Variants in PDIA4 observed in about 807,000 individuals in gnomAD.
The protein encoded by PDIA4 is protein disulfide-isomerase A4.
In PDIA4, 33 loss-of-function variants were observed where a neutral mutation model predicts 62.1. The ratio of observed to expected loss-of-function variants is 0.53; its 90% CI spans 0.40 to 0.71. The LOEUF (loss-of-function observed/expected upper bound fraction) is 0.71, where lower values mean the gene tolerates loss of function less well. Among genes scored for constraint, PDIA4 ranks in the 30% least tolerant of loss-of-function variants. The probability of loss-of-function intolerance (pLI) is 0.00; values close to 1 mark genes in which losing one functional copy is unlikely to be tolerated. For missense variants in PDIA4, 804 were observed against 813.6 expected (o/e 0.99, Z 0.14); for synonymous variants, 341 against 324.1 (o/e 1.05, Z -0.56).
intron 1 of PDIA4, chr7:149,027,984 G>A (rs1468138699): frequency 1.9e-6 from 1 of 532,950 alleles, no homozygotes; most frequent in Non-Finnish European, 3.7e-6. Context: ...GCCTGGACCT[G>A]ACGAAAATCT....
chr7:149,028,186 CG>C (rs1824627344), intron 1 of PDIA4, 134 bp downstream of exon 1: 2 of 640,078 alleles, frequency 3.1e-6, no homozygotes, highest in Admixed American at 3.0e-5. Flanking sequence ...AAGTTTACCC[CG>C]GGCTCGGCGC....
intron 2 of PDIA4, among the ~76,000 whole-genome samples, chr7:149,020,089 T>C (rs372516187): frequency 6.6e-6 from 1 of 152,172 alleles, no homozygotes; most frequent in Non-Finnish European, 1.5e-5. Context: ...GCCTCCCGAA[T>C]AGCCGGGACT....
In PDIA4 at chr7:149,003,729, G is replaced by T; in HGVS notation, c.*65C>A. ...TGTCGTTTGTTGCCGGCCTCGGCGT[G>T]GACGCCCCGACCATGGGCCACGCAG... On this transcript the variant is annotated 3_prime_UTR_variant, in exon 10 of 10. Transcript: ENST00000652332. 2 of 1,277,572 alleles carry T rather than the reference G, an allele frequency of 1.6e-6. No homozygotes were observed. The highest frequency in any genetic ancestry group is 2.1e-6 in the Non-Finnish European group (2 of 956,010). The allele number at this position is 1,277,572 out of a possible 1,614,324, so 79.1% of individuals were successfully genotyped here.
Position 149,008,152 on chromosome 7 carries a change from C to G in PDIA4, c.1131+7G>C. 1.2e-6 allele frequency: 2 copies of G among 1,612,544 alleles called. No homozygotes were observed. Among genetic ancestry groups the G allele is most frequent in the Non-Finnish European group, 8.5e-7 (1 of 1,179,278 alleles). On this transcript the variant is annotated splice_region_variant and intron_variant, in intron 7 of 9. Transcript: ENST00000652332. ...CCAGGGCTGGCATGGCAGAGGGGCC[C>G]GCTTACCTGGACGTCCATCATGTGG...
intron 1 of PDIA4, among the ~76,000 whole-genome samples, chr7:149,025,071 A>AAT (rs1824500575): frequency 5.9e-5 from 1 of 16,990 alleles, no homozygotes; most frequent in African/African-American, 8.7e-5. Flanking sequence ...ACTCCATCTC[A>AAT]AAAAAAAAAA....
intron 9 of PDIA4, 28 bp downstream of exon 9, chr7:149,005,113 G>C (rs771939669): frequency 6.4e-7 from 1 of 1,559,176 alleles, no homozygotes; most frequent in African/African-American, 1.4e-5. Context: ...CAGCTGATGG[G>C]AGACCCCAGC....
intron 3 of PDIA4, 131 bp from the exon 4 acceptor site, chr7:149,015,173 C>T (rs1295421272): frequency 1.1e-6 from 1 of 869,746 alleles, no homozygotes; most frequent in African/African-American, 1.7e-5. Flanking sequence ...TGTCTGATTT[C>T]CTGAAACCTG....
Position 149,012,332 on chromosome 7 carries a change from C to T in PDIA4, c.643G>A (p.Glu215Lys), listed in dbSNP as rs533578464. 2.1e-5 allele frequency: 34 copies of T among 1,613,580 alleles called. No homozygotes were observed. The highest frequency in any genetic ancestry group is 2.7e-5 in the Non-Finnish European group (32 of 1,180,004). Residue 215 changes from glutamate (E) to lysine (K), a missense_variant, in exon 5 of 10, where the codon GAG becomes AAG. Coordinates refer to ENST00000652332, the MANE Select transcript of PDIA4 (RefSeq NM_004911.5). ...WCGHCKKLAP[E>K]YEKAAKELSK... is the part of the protein sequence containing the mutation. ...AGCTCCTTGGCGGCCTTCTCATACT[C>T]GGGGGCAAGTTTCTTGCAGTGTCCA...
intron 1 of PDIA4, among the ~76,000 whole-genome samples, chr7:149,021,917 G>GCAAATGCATCCCA (rs1824367196): frequency 1.3e-5 from 2 of 152,108 alleles, no homozygotes; most frequent in Non-Finnish European, 2.9e-5. Flanking sequence ...GCATTTCAGG[G>GCAAATGCATCCCA]CACCGCATTT....
chr7:149,012,019 C>A lies in PDIA4; in HGVS notation c.821-15G>T. 6.3e-7 allele frequency: 1 copy of A among 1,592,532 alleles called. No homozygotes were observed. The highest frequency in any genetic ancestry group is 1.1e-5 in the South Asian group (1 of 87,640). ...ATCAACGATTCCTGGGAGCAGGGCACACGCCTGAGCAGGGGCACTAAGAAC... is the reference window on the plus strand; with the variant it reads ...ATCAACGATTCCTGGGAGCAGGGCAAACGCCTGAGCAGGGGCACTAAGAAC... On this transcript the variant is annotated splice_polypyrimidine_tract_variant and intron_variant, in intron 5 of 9. Coordinates refer to ENST00000652332, the MANE Select transcript of PDIA4 (RefSeq NM_004911.5).
intron 6 of PDIA4, 40 bp downstream of exon 6, chr7:149,011,806 G>A: frequency 1.3e-6 from 2 of 1,495,550 alleles, no homozygotes; most frequent in Non-Finnish European, 1.8e-6. Flanking sequence ...GACGGCCCAA[G>A]GCACGCACAT....
chr7:149,020,825 C>T, intron 2 of PDIA4, 142 bp downstream of exon 2: 1 of 1,360,312 alleles, frequency 7.4e-7, no homozygotes, highest in East Asian at 2.5e-5. Flanking sequence ...GAGTGAGCTC[C>T]CAGCGTTCTT....
chr7:149,024,621 T>C (rs979987805), intron 1 of PDIA4, among the ~76,000 whole-genome samples: 2 of 151,808 alleles, frequency 1.3e-5, no homozygotes, highest in African/African-American at 4.8e-5. Flanking sequence ...AAGACCCTCC[T>C]GGCCAACATC....
Position 149,003,750 on chromosome 7 carries a change from C to A in PDIA4, c.*44G>T, listed in dbSNP as rs781089599. On this transcript the variant is annotated 3_prime_UTR_variant, in exon 10 of 10. Coordinates refer to ENST00000652332, the MANE Select transcript of PDIA4 (RefSeq NM_004911.5). Reference sequence around the variant, plus strand: ...GCGTGGACGCCCCGACCATGGGCCACGCAGGGCGTCTGCCTCCTCCCACCT... The same window carrying A: ...GCGTGGACGCCCCGACCATGGGCCAAGCAGGGCGTCTGCCTCCTCCCACCT... 6.9e-7 allele frequency: 1 copy of A among 1,452,096 alleles called. No individual in the cohort carries two copies. Among genetic ancestry groups the A allele is most frequent in the Non-Finnish European group, 9.1e-7 (1 of 1,094,892 alleles). The allele number at this position is 1,452,096 out of a possible 1,614,324, so 90.0% of individuals were successfully genotyped here.
chr7:149,028,194 G>A lies in PDIA4; in HGVS notation c.88+127C>T. Reference sequence around the variant, plus strand: ...CTCCGCCAAGTTTACCCCGGGCTCGGCGCCCATCACTAGTTCTGGAGCTGA... The same window carrying A: ...CTCCGCCAAGTTTACCCCGGGCTCGACGCCCATCACTAGTTCTGGAGCTGA... On this transcript the variant is annotated intron_variant, in intron 1 of 9. Coordinates refer to ENST00000652332, the MANE Select transcript of PDIA4 (RefSeq NM_004911.5). The A allele has an allele frequency of 4.5e-6, 3 of 659,798 alleles. 1 individual carries two copies. The highest frequency in any genetic ancestry group is 7.6e-6 in the Non-Finnish European group (3 of 393,964). 40.9% of individuals were successfully genotyped at this position (659,798 alleles called of 1,614,324 possible).
intron 1 of PDIA4, among the ~76,000 whole-genome samples, chr7:149,023,738 C>T (rs779969534): frequency 8.5e-5 from 13 of 152,128 alleles, no homozygotes; most frequent in Non-Finnish European, 1.5e-4. Flanking sequence ...ATAAGACTGA[C>T]GTTTGCAGCG....
chr7:149,007,282 C>T (rs1381973647), intron 7 of PDIA4, among the ~76,000 whole-genome samples: 1 of 152,182 alleles, frequency 6.6e-6, no homozygotes, highest in Admixed American at 6.5e-5. Flanking sequence ...TGTTCTGGTG[C>T]AGGCCCCCGG....
intron 1 of PDIA4, among the ~76,000 whole-genome samples, chr7:149,022,303 C>T (rs1314338690): frequency 6.6e-6 from 1 of 152,106 alleles, no homozygotes; most frequent in Non-Finnish European, 1.5e-5. Context: ...ATGGGGTCAA[C>T]ATGTATCAAA....
At chr7:149,022,700 G>A (rs35590396) in intron 1 of PDIA4, among the ~76,000 whole-genome samples, 10,034 of 152,148 alleles carry the variant, frequency 0.066, 431 homozygotes, top group Non-Finnish European at 0.094. Flanking sequence ...AAGGAACCCC[G>A]CGTGGACTCT....
Sources: allele counts gnomAD v4.1 joint callset (sites outside exome capture counted in the v4.1 genomes callset), GRCh38; gene constraint gnomAD v4.1.1; transcripts MANE v1.5; gene names NCBI Gene and HGNC (gene_info 2026-07-23, HGNC 2026-07-21).